The following MASP1 variants were observed in gnomAD, a reference collection of about 807,000 sequenced individuals.
MASP1 encodes mannan-binding lectin serine protease 1.
MASP1 carries 59 observed loss-of-function variants against 77.1 expected under a neutral mutation model. The ratio of observed to expected loss-of-function variants is 0.77; its 90% confidence interval spans 0.62 to 0.95. The LOEUF is 0.95. MASP1 is among the 40% of genes least tolerant of loss of function. The pLI is 0.00. For missense variants in MASP1, 885 were observed against 912.9 expected (o/e 0.97, Z 0.39); for synonymous variants, 362 against 354.5 (o/e 1.02, Z -0.24).
chr3:187,256,567 T>C, intron 5 of MASP1, 97 bp downstream of exon 5: 1 of 1,137,450 alleles, frequency 8.8e-7, no homozygotes, highest in South Asian at 1.3e-5. Context: ...AGGCTCTCTA[T>C]CCTGGGAGAA....
rs1715494951 is a variant in MASP1 at position 187,260,734 on chromosome 3, G to T, written c.547+7C>A. The T allele has an allele frequency of 1.2e-6, 2 of 1,614,044 alleles. No homozygotes were observed. Among genetic ancestry groups the T allele is most frequent in the African/African-American group, 1.3e-5 (1 of 74,918 alleles). On this transcript the variant is annotated splice_region_variant and intron_variant, in intron 4 of 10. Transcript: ENST00000296280. Reference sequence around the variant, plus strand: ...GGGCAATGCATACAATCATTGGTAGGCTCTACCTCGGCAGGTCCTGTTGTC... The same window carrying T: ...GGGCAATGCATACAATCATTGGTAGTCTCTACCTCGGCAGGTCCTGTTGTC...
At chr3:187,260,280 G>C (rs1715449135) in intron 4 of MASP1, among the ~76,000 whole-genome samples, 1 of 152,190 alleles carries the variant, frequency 6.6e-6, no homozygotes, top group Non-Finnish European at 1.5e-5. Context: ...TTTTCTGGCT[G>C]TTTCTGTTTG....
Position 187,235,461 on chromosome 3 carries a change from G to T in MASP1, c.*223C>A, listed in dbSNP as rs1302035294. On this transcript the variant is annotated 3_prime_UTR_variant, in exon 11 of 11. Transcript: ENST00000296280. ...CTCGGTAGAGTGAGGCCCAGACAGG[G>T]AAAGAGACTTGGACAAGCTCAGGAA... 2 of 1,518,064 alleles carry T rather than the reference G, an allele frequency of 1.3e-6. No individual in the cohort carries two copies. The allele number at this position is 1,518,064 out of a possible 1,614,324, so 94.0% of individuals were successfully genotyped here. A position where few individuals can be genotyped will look rare whatever the true frequency, so the allele number is the denominator to read the frequency against.
At chr3:187,283,178 C>T (rs2108606427) in intron 2 of MASP1, among the ~76,000 whole-genome samples, 1 of 152,324 alleles carries the variant, frequency 6.6e-6, no homozygotes, top group South Asian at 2.1e-4. Context: ...GAAGGAGTCT[C>T]ACCACTCTAG....
chr3:187,229,829 C>A (rs772208931), downstream of MASP1: 3 of 1,614,134 alleles, frequency 1.9e-6, no homozygotes, highest in South Asian at 3.3e-5. Context: ...GGAGTGGTGC[C>A]TTTCTGGGCT....
At position 187,234,274 on chromosome 3, in the gene MASP1, C is replaced by A. The variant is rs1319360760; in HGVS notation, c.*1410G>T. The A allele has an allele frequency of 7.8e-7, 1 of 1,287,250 alleles. No individual in the cohort carries two copies. Among genetic ancestry groups the A allele is most frequent in the Non-Finnish European group, 1.0e-6 (1 of 988,680 alleles). The allele number at this position is 1,287,250 out of a possible 1,614,324, so 79.7% of individuals were successfully genotyped here. ...AAAGTGGACACTTCCCAATCATTCCCTCTCAGGGGCTTCTCTGGCTGCCTT... is the reference window on the plus strand; with the variant it reads ...AAAGTGGACACTTCCCAATCATTCCATCTCAGGGGCTTCTCTGGCTGCCTT... On this transcript the variant is annotated 3_prime_UTR_variant, in exon 11 of 11. Transcript: ENST00000296280.
chr3:187,279,635 G>A (rs698085), intron 2 of MASP1, among the ~76,000 whole-genome samples: 109,834 of 152,060 alleles, frequency 0.72, 39,983 homozygotes, highest in African/African-American at 0.82. Flanking sequence ...TGGGCTTTAC[G>A]TCTCCCCAAA....
At chr3:187,275,315 G>A (rs1172387341) in intron 2 of MASP1, among the ~76,000 whole-genome samples, 1 of 152,192 alleles carries the variant, frequency 6.6e-6, no homozygotes, top group East Asian at 1.9e-4. Flanking sequence ...TCTTCCAGCA[G>A]AGTTTCAAGG....
At chr3:187,291,391 C>T (rs895218916) in intron 1 of MASP1, 31 of 602,082 alleles carry the variant, frequency 5.1e-5, no homozygotes, top group Admixed American at 2.9e-4. Context: ...CAGCAGCGTC[C>T]GGAGCAGGAT....
chr3:187,227,825 G>A (rs1317059495), intron 11 of MASP1, among the ~76,000 whole-genome samples: 2 of 152,176 alleles, frequency 1.3e-5, no homozygotes, highest in Non-Finnish European at 2.9e-5. Context: ...ACACTGGCCA[G>A]TTCAGAGACA....
downstream of MASP1, chr3:187,229,897 A>G (rs566813720): frequency 4.3e-6 from 7 of 1,614,114 alleles, no homozygotes; most frequent in East Asian, 1.1e-4. Context: ...GAGCCCACAC[A>G]CTGCATCCAA....
intron 2 of MASP1, among the ~76,000 whole-genome samples, chr3:187,270,024 G>C (rs1423716191): frequency 6.6e-6 from 1 of 152,188 alleles, no homozygotes; most frequent in Non-Finnish European, 1.5e-5. Context: ...CCCTAAGATA[G>C]ATAATAATAC....
intron 2 of MASP1, among the ~76,000 whole-genome samples, chr3:187,266,502 CATTT>C (rs926430451): frequency 6.6e-6 from 1 of 151,880 alleles, no homozygotes; most frequent in Admixed American, 6.6e-5. Context: ...AATCAGAAAA[CATTT>C]AGGAAGAAGA....
chr3:187,259,738 T>C (rs1252547752), intron 4 of MASP1, among the ~76,000 whole-genome samples: 1 of 152,216 alleles, frequency 6.6e-6, no homozygotes, highest in Non-Finnish European at 1.5e-5. Context: ...ATGTGTTATA[T>C]AGGGTTTTAT....
chr3:187,230,382 G>A (rs971803177), downstream of MASP1, among the ~76,000 whole-genome samples: 2 of 152,232 alleles, frequency 1.3e-5, no homozygotes, highest in Non-Finnish European at 2.9e-5. Context: ...AAGAGACAGA[G>A]AGATTGCACC....
intron 4 of MASP1, among the ~76,000 whole-genome samples, chr3:187,257,064 T>G (rs1715150479): frequency 6.6e-6 from 1 of 152,114 alleles, no homozygotes; most frequent in Non-Finnish European, 1.5e-5. Context: ...ACAGATTTTC[T>G]AATTGTCTGT....
At chr3:187,261,912 T>C (rs912035559) in intron 3 of MASP1, among the ~76,000 whole-genome samples, 1 of 152,224 alleles carries the variant, frequency 6.6e-6, no homozygotes, top group Non-Finnish European at 1.5e-5. Flanking sequence ...AAATTACTGA[T>C]GCATGCGACA....
At position 187,247,252 on chromosome 3, in the gene MASP1, G is replaced by C. The variant is rs773528531; in HGVS notation, c.1090+2999C>G. ...GGGGCACGGGGGTGTTGTGGGTGGG[G>C]AGGGGTGGTGCAGCTCTGGGCCCCA... On this transcript the variant is annotated intron_variant, in intron 8 of 10. Transcript: ENST00000296280. 4 of 1,612,364 alleles carry C rather than the reference G, an allele frequency of 2.5e-6. No individual in the cohort carries two copies. In the African/African-American group the frequency reaches 5.3e-5, roughly 22 times the overall value.
rs867876761 is a variant in MASP1, at chr3:187,234,515, G to A, written c.*1169C>T. 7.8e-7 allele frequency: 1 copy of A among 1,286,588 alleles called. No homozygotes were observed. Among genetic ancestry groups the A allele is most frequent in the East Asian group, 5.5e-5 (1 of 18,042 alleles). The allele number at this position is 1,286,588 out of a possible 1,614,324, so 79.7% of individuals were successfully genotyped here. A position where few individuals can be genotyped will look rare whatever the true frequency, so the allele number is the denominator to read the frequency against. ...AAGGTTATACAGCCAGTTGGGGGCA[G>A]AGCAGGGACTAGAACCCAGGACTCC... On this transcript the variant is annotated 3_prime_UTR_variant, in exon 11 of 11. Coordinates refer to ENST00000296280, the MANE Select transcript of MASP1 (RefSeq NM_139125.4).
Sources: gnomAD v4.1 joint callset for allele counts (sites outside exome capture counted in the v4.1 genomes callset) on GRCh38, gnomAD v4.1.1 for gene constraint, MANE v1.5 for transcripts, NCBI Gene and HGNC (gene_info 2026-07-23, HGNC 2026-07-21) for gene names.